Variants in MAGI1 observed in about 807,000 individuals in gnomAD.
The protein encoded by MAGI1 is membrane-associated guanylate kinase, WW and PDZ domain-containing protein 1.
MAGI1 carries 58 observed loss-of-function variants against 139.9 expected under a neutral mutation model. The observed-to-expected ratio is 0.41, with a 90% CI of 0.34 to 0.52. The LOEUF is 0.52. Among genes scored for constraint, MAGI1 ranks in the 20% least tolerant of loss-of-function variants. The probability of loss-of-function intolerance (pLI) is 0.12; values close to 1 mark genes in which losing one functional copy is unlikely to be tolerated. For synonymous variants in MAGI1, 812 were observed against 737.9 expected, an observed-to-expected ratio of 1.10 and a Z score of -1.63; for missense variants, 1,874 against 1,901.6, an observed-to-expected ratio of 0.99 and a Z score of 0.27.
chr3:65,715,719 G>T lies in MAGI1; in HGVS notation c.314-93631C>A, dbSNP rs191577074. On this transcript the variant is annotated intron_variant, in intron 1 of 22. Coordinates refer to ENST00000402939, the MANE Select transcript of MAGI1 (RefSeq NM_001033057.2). The stretch of plus-strand genomic sequence containing the variant: ...ACTTCTCTCAGGCACTCGCCATGCT[G>T]TGGAATTATTTCATGTGAAAGATAA... Among the ~76,000 whole-genome samples the T allele has an allele frequency of 2.0e-5, 3 of 152,330 alleles. No homozygotes were observed. In the East Asian group the frequency reaches 5.8e-4, roughly 29 times the overall value.
intron 3 of MAGI1, among the ~76,000 whole-genome samples, chr3:65,492,016 G>C (rs1264254086): frequency 6.6e-6 from 1 of 152,164 alleles, no homozygotes; most frequent in African/African-American, 2.4e-5. Flanking sequence ...GTTAGTCACT[G>C]TAACAGAAGC....
chr3:65,376,825 A>G (rs918988539), intron 17 of MAGI1, among the ~76,000 whole-genome samples: 1 of 152,176 alleles, frequency 6.6e-6, no homozygotes, highest in African/African-American at 2.4e-5. Flanking sequence ...TCAGTTACCC[A>G]TATCAAAGAC....
At chr3:65,565,150 C>G (rs982872265) in intron 2 of MAGI1, among the ~76,000 whole-genome samples, 2 of 152,204 alleles carry the variant, frequency 1.3e-5, no homozygotes, top group Non-Finnish European at 2.9e-5. Flanking sequence ...AGGTGAAACA[C>G]ATCTCTAGTG....
intron 6 of MAGI1, chr3:65,452,990 G>C (rs1208107911): frequency 2.8e-6 from 1 of 362,336 alleles, no homozygotes; most frequent in African/African-American, 2.0e-5. Context: ...GAAGACAGAG[G>C]ACGTATCTTC....
At chr3:65,530,774 C>CACATATATATATAT (rs2078655593) in intron 2 of MAGI1, among the ~76,000 whole-genome samples, 1 of 12,546 alleles carries the variant, frequency 8.0e-5, no homozygotes, top group Non-Finnish European at 1.5e-4. Context: ...TATATATATA[C>CACATATATATATAT]ACACATATAT....
intron 1 of MAGI1, among the ~76,000 whole-genome samples, chr3:65,996,668 G>A (rs1320730003): frequency 1.3e-5 from 2 of 152,098 alleles, no homozygotes; most frequent in Non-Finnish European, 2.9e-5. Flanking sequence ...AAGTTGGGTG[G>A]AGAACTCCCA....
At chr3:65,881,718 A>T (rs1035009620) in intron 1 of MAGI1, among the ~76,000 whole-genome samples, 5 of 152,214 alleles carry the variant, frequency 3.3e-5, no homozygotes, top group Non-Finnish European at 7.3e-5. Flanking sequence ...TTGTCTTAAG[A>T]ACGTCTAGGT....
intron 14 of MAGI1, among the ~76,000 whole-genome samples, chr3:65,390,352 T>C (rs575927120): frequency 1.4e-4 from 21 of 152,188 alleles, no homozygotes; most frequent in Non-Finnish European, 2.8e-4. Flanking sequence ...CCTTCATAGC[T>C]GCCTCACCCT....
At chr3:65,920,301 A>C (rs6445514) in intron 1 of MAGI1, among the ~76,000 whole-genome samples, 67,357 of 151,990 alleles carry the variant, frequency 0.44, 15,724 homozygotes, top group East Asian at 0.74. Flanking sequence ...CCCCTGTGAT[A>C]GTCATTAAAA....
chr3:66,035,705 T>C (rs913261471), intron 1 of MAGI1, among the ~76,000 whole-genome samples: 3 of 151,912 alleles, frequency 2.0e-5, no homozygotes, highest in Non-Finnish European at 4.4e-5. Context: ...TACATACATA[T>C]ACACACACAC....
At chr3:65,986,347 C>A (rs927066571) in intron 1 of MAGI1, among the ~76,000 whole-genome samples, 1 of 152,180 alleles carries the variant, frequency 6.6e-6, no homozygotes, top group Non-Finnish European at 1.5e-5. Context: ...AATACCCTTA[C>A]AACCTAAACG....
chr3:65,564,651 T>C (rs1018587812), intron 2 of MAGI1, among the ~76,000 whole-genome samples: 7 of 152,208 alleles, frequency 4.6e-5, no homozygotes, highest in Non-Finnish European at 7.3e-5. Context: ...AAATTAAACA[T>C]AGACACAGCC....
chr3:65,422,321 ATC>A (rs1946685443), intron 12 of MAGI1, among the ~76,000 whole-genome samples: 1 of 152,214 alleles, frequency 6.6e-6, no homozygotes, highest in Non-Finnish European at 1.5e-5. Context: ...AAGCTCCCAC[ATC>A]TTGGCCTATG....
At chr3:65,939,092 C>G (rs1350958728) in intron 1 of MAGI1, among the ~76,000 whole-genome samples, 1 of 152,080 alleles carries the variant, frequency 6.6e-6, no homozygotes, top group Non-Finnish European at 1.5e-5. Flanking sequence ...AAAAGAAAAA[C>G]ACATAAACTA....
chr3:65,480,501 C>T (rs1263267710), intron 3 of MAGI1, among the ~76,000 whole-genome samples: 2 of 150,912 alleles, frequency 1.3e-5, no homozygotes, highest in South Asian at 2.1e-4. Context: ...TGGTACTGCA[C>T]TCCAGCCTGG....
intron 1 of MAGI1, among the ~76,000 whole-genome samples, chr3:65,904,379 T>C (rs1270932394): frequency 1.3e-5 from 2 of 152,172 alleles, no homozygotes; most frequent in Non-Finnish European, 2.9e-5. Flanking sequence ...CCCTCTGATA[T>C]ATCAAACTGG....
intron 1 of MAGI1, among the ~76,000 whole-genome samples, chr3:65,666,907 G>A (rs1483172352): frequency 1.3e-5 from 2 of 152,116 alleles, no homozygotes; most frequent in African/African-American, 4.8e-5. Context: ...GGAGATGAGC[G>A]CTGCGCTTCA....
intron 1 of MAGI1, among the ~76,000 whole-genome samples, chr3:65,702,400 T>A (rs998344291): frequency 6.6e-6 from 1 of 152,166 alleles, no homozygotes; most frequent in Non-Finnish European, 1.5e-5. Context: ...CATGGGACCA[T>A]GTGCAGGCTA....
At chr3:65,608,021 C>T (rs1277267145) in intron 2 of MAGI1, among the ~76,000 whole-genome samples, 3 of 152,204 alleles carry the variant, frequency 2.0e-5, no homozygotes, top group East Asian at 3.8e-4. Flanking sequence ...GTATCATTAG[C>T]CCCATTCCAT....
Sources: gnomAD v4.1 joint callset for allele counts (sites outside exome capture counted in the v4.1 genomes callset) on GRCh38, gnomAD v4.1.1 for gene constraint, MANE v1.5 for transcripts, NCBI Gene and HGNC (gene_info 2026-07-23, HGNC 2026-07-21) for gene names.